The following ARHGEF28 variants were observed in gnomAD, a reference collection of about 807,000 sequenced individuals.
ARHGEF28 encodes the protein Rho guanine nucleotide exchange factor 28, also known as 190 kDa guanine nucleotide exchange factor.
ARHGEF28 carries 152 observed loss-of-function variants against 206.6 expected under a neutral mutation model. That is an observed-to-expected ratio of 0.74 (90% confidence interval 0.64 to 0.84). ARHGEF28 has a LOEUF of 0.84. Ranked by LOEUF, ARHGEF28 falls within the 40% of genes least tolerant of loss-of-function variation. The pLI is 0.00. For missense variants in ARHGEF28, 2,028 were observed against 2,073.2 expected (o/e 0.98, Z 0.42); for synonymous variants, 763 against 776.4 (o/e 0.98, Z 0.29).
chr5:73,878,863 T>C (rs1453776858), intron 22 of ARHGEF28, among the ~76,000 whole-genome samples: 1 of 151,970 alleles, frequency 6.6e-6, no homozygotes, highest in East Asian at 1.9e-4. Context: ...TAACATTTTT[T>C]CCTTCATTTC....
intron 16 of ARHGEF28, among the ~76,000 whole-genome samples, chr5:73,858,682 T>C (rs1452200196): frequency 6.6e-6 from 1 of 152,190 alleles, no homozygotes; most frequent in East Asian, 1.9e-4. Context: ...CTGATATCAT[T>C]CTGGTCTAAA....
At chr5:73,824,192 A>T (rs987547980) in intron 9 of ARHGEF28, among the ~76,000 whole-genome samples, 2 of 152,230 alleles carry the variant, frequency 1.3e-5, no homozygotes, top group Non-Finnish European at 2.9e-5. Flanking sequence ...TATTTTAAGT[A>T]AAGGATTAAA....
Position 73,901,228 on chromosome 5 carries a change from G to A in ARHGEF28, c.4018G>A (p.Asp1340Asn). 1.2e-6 allele frequency: 2 copies of A among 1,613,498 alleles called. No homozygotes were observed. The highest frequency in any genetic ancestry group is 1.7e-6 in the Non-Finnish European group (2 of 1,179,666). Residue 1340 changes from aspartate to asparagine, a missense_variant, in exon 31 of 36, where the codon GAT (aspartate) becomes AAT (asparagine). Physicochemically the swap from Asp to Asn is conservative, Grantham distance 23. Transcript: ENST00000513042. ...GREGRGCSDV[D>N]PGIQGVVTDL... ...AGAAGGAAGAGGCTGTTCGGATGTG[G>A]ATCCCGGGATCCAGGGTGTGGTAAC...
At chr5:73,911,911 A>G (rs1345165856) in intron 35 of ARHGEF28, among the ~76,000 whole-genome samples, 2 of 152,152 alleles carry the variant, frequency 1.3e-5, no homozygotes, top group Non-Finnish European at 2.9e-5. Context: ...TGTGGACCCC[A>G]CTACATCCTG....
At chr5:73,749,787 A>G in intron 2 of ARHGEF28, 50 bp from the exon 3 acceptor site, 1 of 1,603,400 alleles carries the variant, frequency 6.2e-7, no homozygotes, top group Non-Finnish European at 8.5e-7. Flanking sequence ...GTGCTTTCTT[A>G]GAGCCAGGAC....
chr5:73,869,229 G>GGA (rs1554072949), intron 20 of ARHGEF28, among the ~76,000 whole-genome samples: 11 of 125,516 alleles, frequency 8.8e-5, no homozygotes, highest in African/African-American at 3.5e-4. Flanking sequence ...GGGTGGAGGG[G>GGA]GGTGGGGAAG....
chr5:73,640,356 T>C (rs1297520746), intron 1 of ARHGEF28, among the ~76,000 whole-genome samples: 1 of 152,224 alleles, frequency 6.6e-6, no homozygotes, highest in Non-Finnish European at 1.5e-5. Flanking sequence ...TAAACAGCCT[T>C]ATTAAGTATC....
At chr5:73,872,769 A>T (rs999968185) in intron 21 of ARHGEF28, among the ~76,000 whole-genome samples, 12 of 152,216 alleles carry the variant, frequency 7.9e-5, no homozygotes, top group African/African-American at 2.9e-4. Flanking sequence ...ATTCTTGTAT[A>T]TTGGACTTGA....
chr5:73,712,440 A>T (rs959535754), intron 2 of ARHGEF28, among the ~76,000 whole-genome samples: 1 of 152,176 alleles, frequency 6.6e-6, no homozygotes, highest in African/African-American at 2.4e-5. Flanking sequence ...ATCTCTGTTC[A>T]TCTTTCTCTG....
intron 2 of ARHGEF28, among the ~76,000 whole-genome samples, chr5:73,726,930 C>G (rs930294236): frequency 9.2e-5 from 14 of 152,062 alleles, no homozygotes; most frequent in African/African-American, 3.1e-4. Flanking sequence ...AGCTTTTATA[C>G]AAGGAGGTCA....
rs560307085 is a variant in ARHGEF28 at position 73,912,680 on chromosome 5, CT to C, written c.4948+1108del. On this transcript the variant is annotated intron_variant, in intron 35 of 35. Coordinates refer to ENST00000513042, the MANE Select transcript of ARHGEF28 (RefSeq NM_001177693.2). ...TTTTTAAAGTATTATTTCAGATATT[CT>C]TTAGGTAAAGAAAAAATATGATGGA... Among the ~76,000 whole-genome samples, 5 of 152,186 alleles carry C rather than the reference CT, an allele frequency of 3.3e-5. No homozygotes were observed. In the South Asian group the frequency reaches 6.2e-4, roughly 19 times the overall value.
chr5:73,750,842 T>C (rs1305668658), intron 3 of ARHGEF28, among the ~76,000 whole-genome samples: 1 of 152,130 alleles, frequency 6.6e-6, no homozygotes, highest in African/African-American at 2.4e-5. Flanking sequence ...CTCTTTAATT[T>C]TTATTAGAGT....
At chr5:73,841,712 G>GAAAAAAAAAAAAAAAAAGAGAAAAAAAA (rs33935657) in intron 11 of ARHGEF28, among the ~76,000 whole-genome samples, 1 of 110,828 alleles carries the variant, frequency 9.0e-6, no homozygotes, top group Non-Finnish European at 1.8e-5. Context: ...TCAAAAAGAA[G>GAAAAAAAAAAAAAAAAAGAGAAAAAAAA]AAAAAAAAAA....
chr5:73,909,599 A>T lies in ARHGEF28; in HGVS notation c.4349A>T (p.Glu1450Val). Residue 1450 changes from glutamate (E) to valine (V), a missense_variant, in exon 34 of 36, where the codon GAG becomes GTG. Physicochemically the swap from Glu to Val is moderately radical, Grantham distance 121. Around this residue, in one of 3 missense-constraint regions of ARHGEF28, gnomAD observed 803 missense variants for 768.0 expected, o/e 1.05. Coordinates refer to ENST00000513042, the MANE Select transcript of ARHGEF28 (RefSeq NM_001177693.2). ...CAGCTTCAGCACCAGCTCCAGCAGG[A>T]GCAGCGGCGCTGGCTGCGCAGGTGT... ...VHQLQHQLQQ[E>V]QRRWLRRCEQ... 3.2e-6 allele frequency: 5 copies of T among 1,555,960 alleles called. No homozygotes were observed. Among genetic ancestry groups the T allele is most frequent in the Non-Finnish European group, 4.3e-6 (5 of 1,150,154 alleles).
chr5:73,937,457 G>T (rs146327579), intron 35 of ARHGEF28, among the ~76,000 whole-genome samples: 1 of 152,140 alleles, frequency 6.6e-6, no homozygotes, highest in Non-Finnish European at 1.5e-5. Context: ...AATAATGCTC[G>T]CTCTGTTTAG....
At chr5:73,844,678 CAA>C (rs1163545522) in intron 11 of ARHGEF28, among the ~76,000 whole-genome samples, 1 of 127,394 alleles carries the variant, frequency 7.8e-6, no homozygotes, top group Non-Finnish European at 1.6e-5. Context: ...CAGGTTAATT[CAA>C]AGTTTCATTT....
chr5:73,901,186 TTA>T lies in ARHGEF28; in HGVS notation c.3977_3978del (p.Leu1326CysfsTer28). The stretch of plus-strand genomic sequence containing the variant: ...CTGTCTCGATGGCGTGCTTCCAGCA[TTA>T]GTCACAGGAGGGAGAGAAGGAAGAG... Reference protein sequence around the residue: ...HDVPGSPTASLVTGGREGRGC... With the variant: ...HDVPGSPTASXVTGGREGRGC... On this transcript the variant is annotated frameshift_variant, in exon 31 of 36. Coordinates refer to ENST00000513042, the MANE Select transcript of ARHGEF28 (RefSeq NM_001177693.2). LOFTEE classifies it high-confidence loss of function. The T allele has an allele frequency of 6.2e-7, 1 of 1,612,496 alleles. No homozygotes were observed. Among genetic ancestry groups the T allele is most frequent in the South Asian group, 1.1e-5 (1 of 90,646 alleles).
chr5:73,735,396 G>A (rs1750862152), intron 2 of ARHGEF28, among the ~76,000 whole-genome samples: 1 of 152,132 alleles, frequency 6.6e-6, no homozygotes, highest in Non-Finnish European at 1.5e-5. Context: ...AGCAGAGGCA[G>A]CCAGGATTGG....
chr5:73,779,754 C>T (rs767552376), intron 6 of ARHGEF28, among the ~76,000 whole-genome samples: 1 of 152,116 alleles, frequency 6.6e-6, no homozygotes, highest in Non-Finnish European at 1.5e-5. Flanking sequence ...AACACAGTGT[C>T]CTGGAAGTGG....
Sources: gnomAD v4.1 joint callset for allele counts (sites outside exome capture counted in the v4.1 genomes callset) on GRCh38, gnomAD v4.1.1 for gene constraint, gnomAD v4.1.1 regional missense constraint, MANE v1.5 for transcripts, NCBI Gene and HGNC (gene_info 2026-07-23, HGNC 2026-07-21) for gene names.